Variants in CYSTM1 observed in about 807,000 individuals in gnomAD.
CYSTM1 encodes cysteine-rich transmembrane module-containing protein 1.
Under a neutral mutation model 13.1 loss-of-function variants are expected in CYSTM1, and 4 were observed. The observed-to-expected ratio is 0.31, with a 90% CI of 0.15 to 0.70. The LOEUF (loss-of-function observed/expected upper bound fraction) is 0.70. CYSTM1 is among the 30% of genes least tolerant of loss of function. CYSTM1 has a pLI of 0.72. For synonymous variants in CYSTM1, 36 were observed against 42.7 expected, an observed-to-expected ratio of 0.84 and a Z score of 0.62; for missense variants, 96 against 121.6, an observed-to-expected ratio of 0.79 and a Z score of 0.99.
chr5:140,214,720 C>G (rs1764408206), intron 2 of CYSTM1, among the ~76,000 whole-genome samples: 1 of 152,084 alleles, frequency 6.6e-6, no homozygotes. Flanking sequence ...GTTTTGTGGG[C>G]AAGGAAAAGA....
chr5:140,237,847 C>G (rs974196755), intron 2 of CYSTM1, among the ~76,000 whole-genome samples: 1 of 152,220 alleles, frequency 6.6e-6, no homozygotes, highest in African/African-American at 2.4e-5. Flanking sequence ...CCTGGGATAG[C>G]TGCTTGGTTT....
At chr5:140,232,088 A>AG (rs766253068) in intron 2 of CYSTM1, among the ~76,000 whole-genome samples, 1 of 152,178 alleles carries the variant, frequency 6.6e-6, no homozygotes, top group Non-Finnish European at 1.5e-5. Context: ...ACATTGAGGA[A>AG]GAAGGTAAGA....
At chr5:140,223,219 AAGG>A (rs1347685605) in intron 2 of CYSTM1, among the ~76,000 whole-genome samples, 1 of 152,110 alleles carries the variant, frequency 6.6e-6, no homozygotes, top group African/African-American at 2.4e-5. Context: ...AGATGTTGCA[AAGG>A]AGAAGGAGGA....
intron 1 of CYSTM1, among the ~76,000 whole-genome samples, chr5:140,180,329 A>T (rs2126652095): frequency 6.6e-6 from 1 of 152,276 alleles, no homozygotes; most frequent in Admixed American, 6.5e-5. Context: ...GACTTCTGAC[A>T]TTTGTTGGCC....
intron 2 of CYSTM1, among the ~76,000 whole-genome samples, chr5:140,221,018 C>G (rs1220170542): frequency 6.6e-6 from 1 of 152,080 alleles, no homozygotes; most frequent in African/African-American, 2.4e-5. Context: ...TCCTGGAATT[C>G]TCATGTATAA....
At position 140,185,851 on chromosome 5, in the gene CYSTM1, T is replaced by G. The variant is rs561900894; in HGVS notation, c.-20-8595T>G. Among the ~76,000 whole-genome samples the G allele has an allele frequency of 1.4e-4, 21 of 152,346 alleles. No homozygotes were observed. The South Asian group carries it at 2.3e-3, about 17-fold the overall frequency. The stretch of plus-strand genomic sequence containing the variant: ...AGATTTGAGACCATCATTTCTTACC[T>G]CTGCTCACTGTACATTCACAAGTAT... On this transcript the variant is annotated intron_variant, in intron 1 of 2. Transcript: ENST00000261811.
chr5:140,223,152 A>T (rs1203477792), intron 2 of CYSTM1, among the ~76,000 whole-genome samples: 4 of 152,224 alleles, frequency 2.6e-5, no homozygotes, highest in Non-Finnish European at 5.9e-5. Flanking sequence ...GGGGTAGGTC[A>T]GGAAGATCTC....
chr5:140,231,506 G>C (rs1402298862), intron 2 of CYSTM1, among the ~76,000 whole-genome samples: 2 of 152,098 alleles, frequency 1.3e-5, no homozygotes, highest in African/African-American at 4.8e-5. Flanking sequence ...GCTTTTGCAG[G>C]GCTTATACTC....
In CYSTM1 at chr5:140,219,894, G is replaced by A. The variant is rs754284675; in HGVS notation, c.188-23411G>A. On this transcript the variant is annotated intron_variant, in intron 2 of 2. Coordinates refer to ENST00000261811, the MANE Select transcript of CYSTM1 (RefSeq NM_032412.4). This position sits in a 1 kb window ranked among gnomAD's most constrained non-coding sequence, Gnocchi z 4.1. ...GGACACTAATTGGAAAAACCCAACAGCTACCTCCTTGGTGATCTCTGCCCA... is the reference window on the plus strand; with the variant it reads ...GGACACTAATTGGAAAAACCCAACAACTACCTCCTTGGTGATCTCTGCCCA... Among the ~76,000 whole-genome samples the A allele has an allele frequency of 1.3e-5, 2 of 152,126 alleles. No homozygotes were observed. Among genetic ancestry groups the A allele is most frequent in the Non-Finnish European group, 2.9e-5 (2 of 68,042 alleles).
At chr5:140,182,987 A>G (rs1176294126) in intron 1 of CYSTM1, among the ~76,000 whole-genome samples, 1 of 152,180 alleles carries the variant, frequency 6.6e-6, no homozygotes, top group Non-Finnish European at 1.5e-5. Context: ...TGATGGAGCA[A>G]AGCCAGGCTG....
intron 2 of CYSTM1, among the ~76,000 whole-genome samples, chr5:140,218,634 A>G (rs559626633): frequency 8.1e-4 from 123 of 152,282 alleles, no homozygotes; most frequent in African/African-American, 2.8e-3. Flanking sequence ...CTTTTGCCCT[A>G]TGTTCCTTGG....
intron 2 of CYSTM1, among the ~76,000 whole-genome samples, chr5:140,214,075 GT>G (rs1764401665): frequency 6.6e-6 from 1 of 152,204 alleles, no homozygotes; most frequent in Non-Finnish European, 1.5e-5. Context: ...GATGAGAATG[GT>G]TTTTAGTGAG....
chr5:140,229,036 A>C, intron 2 of CYSTM1: 1 of 379,740 alleles, frequency 2.6e-6, no homozygotes, highest in Non-Finnish European at 4.7e-6. Flanking sequence ...ACATAAACAT[A>C]TAAGTTTTGG....
intron 1 of CYSTM1, among the ~76,000 whole-genome samples, chr5:140,179,429 T>G (rs11750229): frequency 0.5 from 75,321 of 150,996 alleles, 19,033 homozygotes; most frequent in East Asian, 0.56. Flanking sequence ...CATGGTGGCA[T>G]ACGCCTGTAA....
intron 2 of CYSTM1, among the ~76,000 whole-genome samples, chr5:140,238,672 G>A (rs1335334798): frequency 2.0e-5 from 3 of 152,224 alleles, no homozygotes; most frequent in Admixed American, 6.5e-5. Flanking sequence ...TGCCCCTGCA[G>A]GAGCCGTCTC....
chr5:140,181,039 G>A (rs1039654068), intron 1 of CYSTM1, among the ~76,000 whole-genome samples: 1 of 152,188 alleles, frequency 6.6e-6, no homozygotes, highest in Non-Finnish European at 1.5e-5. Context: ...AAGTAGGGAT[G>A]GGAAACAGTT....
chr5:140,198,983 T>G (rs998018950), intron 2 of CYSTM1, among the ~76,000 whole-genome samples: 4 of 151,942 alleles, frequency 2.6e-5, no homozygotes, highest in African/African-American at 9.7e-5. Flanking sequence ...CAGGCCCCAG[T>G]GTGTGGTGTT....
chr5:140,195,633 G>A (rs1293111356), intron 2 of CYSTM1, among the ~76,000 whole-genome samples: 4 of 151,412 alleles, frequency 2.6e-5, no homozygotes, highest in Admixed American at 2.6e-4. Flanking sequence ...AGCAGAGACT[G>A]TGTTAGCCAG....
At chr5:140,241,934 C>G (rs1024906343) in intron 2 of CYSTM1, among the ~76,000 whole-genome samples, 16 of 152,252 alleles carry the variant, frequency 1.1e-4, no homozygotes, top group African/African-American at 3.9e-4. Flanking sequence ...GGCCTGGGTT[C>G]GGATTCTGCC....
Sources: gnomAD v4.1 joint callset for allele counts (sites outside exome capture counted in the v4.1 genomes callset) on GRCh38, gnomAD v4.1.1 for gene constraint, Gnocchi (gnomAD v3.1) non-coding constraint, MANE v1.5 for transcripts, NCBI Gene and HGNC (gene_info 2026-07-23, HGNC 2026-07-21) for gene names.